ZNF385B: variants seen among roughly 807,000 people sequenced by gnomAD.
The protein encoded by ZNF385B is zinc finger protein 385B.
ZNF385B carries 23 observed loss-of-function variants against 39.2 expected under a neutral mutation model. The observed-to-expected ratio is 0.59, with a 90% CI of 0.42 to 0.83. The LOEUF is 0.83. Among genes scored for constraint, ZNF385B ranks in the 40% least tolerant of loss-of-function variants. The pLI is 0.00. For missense variants in ZNF385B, 552 were observed against 598.9 expected (o/e 0.92, Z 0.82); for synonymous variants, 205 against 222.6 (o/e 0.92, Z 0.70).
At chr2:179,824,273 G>A (rs537052422) in intron 1 of ZNF385B, among the ~76,000 whole-genome samples, 11 of 152,240 alleles carry the variant, frequency 7.2e-5, no homozygotes, top group Admixed American at 3.3e-4. Flanking sequence ...TTAAACCAAT[G>A]AGAGCCCTTT....
At chr2:179,732,635 CA>C (rs1701470273) in intron 3 of ZNF385B, among the ~76,000 whole-genome samples, 1 of 152,040 alleles carries the variant, frequency 6.6e-6, no homozygotes, top group African/African-American at 2.4e-5. Context: ...GCTTATTAAA[CA>C]AAAAGAATGA....
At chr2:179,683,966 C>G (rs1405741595) in intron 3 of ZNF385B, among the ~76,000 whole-genome samples, 1 of 152,058 alleles carries the variant, frequency 6.6e-6, no homozygotes, top group Non-Finnish European at 1.5e-5. Flanking sequence ...CACATTTTAG[C>G]ACTATTCTCA....
intron 1 of ZNF385B, among the ~76,000 whole-genome samples, chr2:179,822,558 TGGA>T: frequency 6.6e-6 from 1 of 152,312 alleles, no homozygotes; most frequent in African/African-American, 2.4e-5. Flanking sequence ...TCCTAAGCTG[TGGA>T]GGACATTTGC....
At chr2:179,548,333 G>T (rs541959892) in intron 3 of ZNF385B, among the ~76,000 whole-genome samples, 1 of 149,524 alleles carries the variant, frequency 6.7e-6, no homozygotes, top group Non-Finnish European at 1.5e-5. Context: ...CTTCTTTAGT[G>T]TATAACTTTC....
intron 3 of ZNF385B, among the ~76,000 whole-genome samples, chr2:179,755,417 G>A (rs1056843635): frequency 3.3e-5 from 5 of 152,186 alleles, no homozygotes; most frequent in Non-Finnish European, 5.9e-5. Flanking sequence ...TGTTGATTTG[G>A]GGAGGAGAGT....
intron 3 of ZNF385B, among the ~76,000 whole-genome samples, chr2:179,580,674 T>C (rs1036899689): frequency 3.9e-5 from 6 of 152,300 alleles, no homozygotes; most frequent in Non-Finnish European, 8.8e-5. Context: ...AGGGGGCATC[T>C]GCAAGCCAGG....
chr2:179,477,645 A>T (rs2053571514), intron 6 of ZNF385B, among the ~76,000 whole-genome samples: 1 of 152,190 alleles, frequency 6.6e-6, no homozygotes, highest in African/African-American at 2.4e-5. Context: ...ACATGCTGCA[A>T]TGCCCTGTCT....
Position 179,769,777 on chromosome 2 carries a change from G to T in ZNF385B, c.24C>A (p.Asp8Glu). 8 of 1,613,358 alleles carry T rather than the reference G, an allele frequency of 5.0e-6. No homozygotes were observed. Among genetic ancestry groups the T allele is most frequent in the Non-Finnish European group, 6.8e-6 (8 of 1,179,616 alleles). Reference protein sequence around the residue: MRYSLSPDNHLEDGIMNM... With the variant: MRYSLSPENHLEDGIMNM... ...TCATGATTCCATCTTCAAGATGGTT[G>T]TCAGGGCTTAAGGAGTACCTCATGC... Residue 8 changes from aspartate to glutamate, a missense_variant, in exon 3 of 10, where the codon GAC (aspartate) becomes GAA (glutamate). Coordinates refer to ENST00000410066, the MANE Select transcript of ZNF385B (RefSeq NM_152520.6).
chr2:179,640,830 G>A lies in ZNF385B; in HGVS notation c.299-95861C>T, dbSNP rs368389116. Among the ~76,000 whole-genome samples, 3 of 152,216 alleles carry A rather than the reference G, an allele frequency of 2.0e-5. No homozygotes were observed. In the East Asian group the frequency reaches 5.8e-4, roughly 29 times the overall value. ...AAGTAACATATTTTAACGTTAGCCT[G>A]AACAATTTTCAGTTTCTTCTTTGTG... is the stretch of plus-strand genomic sequence containing the variant. On this transcript the variant is annotated intron_variant, in intron 3 of 9. Coordinates refer to ENST00000410066, the MANE Select transcript of ZNF385B (RefSeq NM_152520.6).
intron 3 of ZNF385B, among the ~76,000 whole-genome samples, chr2:179,561,227 T>C (rs952942823): frequency 6.6e-6 from 1 of 152,176 alleles, no homozygotes; most frequent in Admixed American, 6.6e-5. Context: ...AAATGATGCT[T>C]GGGATAAATA....
Position 179,570,693 on chromosome 2 carries a change from C to G in ZNF385B, c.299-25724G>C, listed in dbSNP as rs182880181. ...ATGCCTATAATATCCTCAACATATT[C>G]CATTTTTATTGGTTTTCTCTTTATT... On this transcript the variant is annotated intron_variant, in intron 3 of 9. Coordinates refer to ENST00000410066, the MANE Select transcript of ZNF385B (RefSeq NM_152520.6). 3.9e-5 allele frequency among the ~76,000 whole-genome samples: 6 copies of G among 152,246 alleles called. No homozygotes were observed. The East Asian group carries it at 1.2e-3, about 29-fold the overall frequency.
intron 3 of ZNF385B, among the ~76,000 whole-genome samples, chr2:179,606,699 T>G (rs759472907): frequency 6.6e-6 from 1 of 152,134 alleles, no homozygotes; most frequent in Non-Finnish European, 1.5e-5. Context: ...ATGGAAGAGT[T>G]CCTCATTATA....
chr2:179,720,782 T>C (rs1700637230), intron 3 of ZNF385B, among the ~76,000 whole-genome samples: 1 of 152,048 alleles, frequency 6.6e-6, no homozygotes, highest in African/African-American at 2.4e-5. Flanking sequence ...TTATTATTAT[T>C]ACAGAGTTTG....
chr2:179,530,393 A>C (rs1470801539), intron 4 of ZNF385B, among the ~76,000 whole-genome samples: 1 of 152,178 alleles, frequency 6.6e-6, no homozygotes, highest in Non-Finnish European at 1.5e-5. Context: ...TCCAAATAGG[A>C]TACAATTGCT....
At chr2:179,604,819 A>G (rs1340202135) in intron 3 of ZNF385B, among the ~76,000 whole-genome samples, 1 of 152,134 alleles carries the variant, frequency 6.6e-6, no homozygotes, top group African/African-American at 2.4e-5. Flanking sequence ...GAGTGCTATA[A>G]CATTTACAAT....
intron 3 of ZNF385B, among the ~76,000 whole-genome samples, chr2:179,760,083 C>T (rs543308317): frequency 1.4e-5 from 2 of 147,846 alleles, no homozygotes; most frequent in Non-Finnish European, 3.0e-5. Context: ...GAGTCTCACT[C>T]TGTCACCCAG....
chr2:179,858,037 C>T (rs1052749477), intron 1 of ZNF385B, among the ~76,000 whole-genome samples: 1 of 152,120 alleles, frequency 6.6e-6, no homozygotes, highest in Non-Finnish European at 1.5e-5. Flanking sequence ...GAAGCTTATT[C>T]TGCACAACCA....
chr2:179,799,151 T>C lies in ZNF385B; in HGVS notation c.-154-28479A>G, dbSNP rs530682991. Among the ~76,000 whole-genome samples, 11 of 152,174 alleles carry C rather than the reference T, an allele frequency of 7.2e-5. No homozygotes were observed. The East Asian group carries it at 1.2e-3, about 16-fold the overall frequency. On this transcript the variant is annotated intron_variant, in intron 1 of 9. Coordinates refer to ENST00000410066, the MANE Select transcript of ZNF385B (RefSeq NM_152520.6). Reference sequence around the variant, plus strand: ...CTTTTCTCATTTATACTGAATTCTATTGTTAATTATACAATTACATAATTA... The same window carrying C: ...CTTTTCTCATTTATACTGAATTCTACTGTTAATTATACAATTACATAATTA...
intron 3 of ZNF385B, among the ~76,000 whole-genome samples, chr2:179,759,146 T>TG (rs1463634709): frequency 4.6e-5 from 7 of 152,168 alleles, no homozygotes; most frequent in African/African-American, 7.2e-5. Context: ...TAAATGAGAA[T>TG]GGATAGCAGA....
Sources: allele counts gnomAD v4.1 joint callset (sites outside exome capture counted in the v4.1 genomes callset), GRCh38; gene constraint gnomAD v4.1.1; transcripts MANE v1.5; gene names NCBI Gene and HGNC (gene_info 2026-07-23, HGNC 2026-07-21).